The following GAS2 variants were observed in gnomAD, a reference collection of about 807,000 sequenced individuals.
GAS2 encodes the protein growth arrest specific 2.
Under a neutral mutation model 37.5 loss-of-function variants are expected in GAS2, and 20 were observed. The observed-to-expected ratio is 0.53, with a 90% confidence interval of 0.37 to 0.77. The LOEUF (loss-of-function observed/expected upper bound fraction) is 0.77, where lower values mean the gene tolerates loss of function less well. GAS2 is among the 30% of genes least tolerant of loss of function. GAS2 has a pLI of 0.00. For synonymous variants in GAS2, 144 were observed against 132.2 expected (o/e 1.09, Z -0.61); for missense variants, 336 against 373.4 (o/e 0.90, Z 0.82).
chr11:22,637,191 A>G (rs1212644177), intron 1 of GAS2, among the ~76,000 whole-genome samples: 11 of 123,110 alleles, frequency 8.9e-5, no homozygotes, highest in Admixed American at 6.4e-4. Flanking sequence ...TTATGTTAAT[A>G]TTATATTAAT....
At chr11:22,632,832 T>C (rs1398103189) in intron 1 of GAS2, among the ~76,000 whole-genome samples, 1 of 152,008 alleles carries the variant, frequency 6.6e-6, no homozygotes, top group African/African-American at 2.4e-5. Context: ...TTATTCCACA[T>C]GGTCTAGTCT....
At position 22,657,920 on chromosome 11, in the gene GAS2, T is replaced by A. The variant is rs146764437; in HGVS notation, c.-20-16930T>A. On this transcript the variant is annotated intron_variant, in intron 1 of 5. Coordinates refer to the GAS2 transcript ENST00000528582. ...ACAACTGGTAAACAATTAGAACTATTTATAATTTCTACTTTTGTTTAGGAA... is the reference window on the plus strand; with the variant it reads ...ACAACTGGTAAACAATTAGAACTATATATAATTTCTACTTTTGTTTAGGAA... Among the ~76,000 whole-genome samples, 416 of 152,344 alleles carry A rather than the reference T, an allele frequency of 2.7e-3. 2 individuals are homozygous for A. The highest frequency in any genetic ancestry group is 9.2e-3 in the African/African-American group (382 of 41,592).
At chr11:22,698,265 C>G (rs924819289) in intron 3 of GAS2, among the ~76,000 whole-genome samples, 5 of 152,192 alleles carry the variant, frequency 3.3e-5, no homozygotes, top group Admixed American at 2.6e-4. Context: ...ACTAGAAAAT[C>G]TTGAAGAAAT....
chr11:22,680,427 CTT>C (rs1345104431), intron 2 of GAS2, among the ~76,000 whole-genome samples: 1 of 152,090 alleles, frequency 6.6e-6, no homozygotes, highest in Non-Finnish European at 1.5e-5. Context: ...AAACTTGAAA[CTT>C]TTGTCTCAAA....
At chr11:22,797,763 G>A (rs1056753962) in intron 7 of GAS2, among the ~76,000 whole-genome samples, 24 of 152,070 alleles carry the variant, frequency 1.6e-4, no homozygotes, top group Admixed American at 1.2e-3. Flanking sequence ...GGCTAAGCAC[G>A]CTGGCTGCTG....
At chr11:22,657,264 G>T (rs557119544) in intron 1 of GAS2, among the ~76,000 whole-genome samples, 2 of 152,320 alleles carry the variant, frequency 1.3e-5, no homozygotes, top group East Asian at 1.9e-4. Context: ...CCACACAGGG[G>T]TTGGGCCCTG....
intron 1 of GAS2, among the ~76,000 whole-genome samples, chr11:22,629,379 A>C (rs1203575180): frequency 6.6e-6 from 1 of 151,802 alleles, no homozygotes; most frequent in African/African-American, 2.4e-5. Flanking sequence ...AGGGTAAGGT[A>C]GTATCCTTTT....
At chr11:22,670,990 C>G (rs577181606) in intron 1 of GAS2, among the ~76,000 whole-genome samples, 1 of 152,224 alleles carries the variant, frequency 6.6e-6, no homozygotes, top group South Asian at 2.1e-4. Flanking sequence ...TCATCTTGGT[C>G]ATAGTCAAAG....
At chr11:22,793,004 G>A (rs1215164994) in intron 7 of GAS2, among the ~76,000 whole-genome samples, 1 of 152,182 alleles carries the variant, frequency 6.6e-6, no homozygotes, top group Non-Finnish European at 1.5e-5. Flanking sequence ...GCTGAGCATG[G>A]TGGCTCAGCC....
chr11:22,744,850 G>C (rs1472387890), intron 5 of GAS2, among the ~76,000 whole-genome samples: 1 of 151,818 alleles, frequency 6.6e-6, no homozygotes, highest in East Asian at 1.9e-4. Flanking sequence ...ATCCAAATAG[G>C]AAAAGAAGAA....
chr11:22,660,676 C>G (rs1172808191), intron 1 of GAS2, among the ~76,000 whole-genome samples: 2 of 152,340 alleles, frequency 1.3e-5, no homozygotes, highest in Admixed American at 6.5e-5. Flanking sequence ...TACGATATTA[C>G]AAATTTACTA....
At chr11:22,789,745 G>A (rs185765079) in intron 7 of GAS2, among the ~76,000 whole-genome samples, 65 of 151,796 alleles carry the variant, frequency 4.3e-4, no homozygotes, top group Admixed American at 1.2e-3. Flanking sequence ...GATTAGAGGC[G>A]TGAGCCACCG....
intron 3 of GAS2, among the ~76,000 whole-genome samples, chr11:22,699,751 T>C (rs965759977): frequency 1.3e-5 from 2 of 152,174 alleles, no homozygotes; most frequent in Admixed American, 6.6e-5. Flanking sequence ...GGGGACTAAG[T>C]AAGTTAGTAT....
At chr11:22,680,716 T>C (rs7111005) in intron 2 of GAS2, among the ~76,000 whole-genome samples, 5,069 of 152,206 alleles carry the variant, frequency 0.033, 82 homozygotes, top group Middle Eastern at 0.082. Context: ...GCTTTTTTTT[T>C]CCACCAAAGA....
intron 7 of GAS2, among the ~76,000 whole-genome samples, chr11:22,800,921 T>G (rs1856634128): frequency 6.6e-6 from 1 of 151,506 alleles, no homozygotes; most frequent in Admixed American, 6.6e-5. Context: ...TTGGTTATCT[T>G]AAAAAACAAG....
intron 2 of GAS2, among the ~76,000 whole-genome samples, chr11:22,677,044 G>C (rs1339675296): frequency 6.6e-6 from 1 of 152,118 alleles, no homozygotes; most frequent in Non-Finnish European, 1.5e-5. Flanking sequence ...AGAGGATAGT[G>C]ATTAAGAATA....
intron 7 of GAS2, among the ~76,000 whole-genome samples, chr11:22,810,553 A>G (rs897059296): frequency 5.9e-5 from 9 of 152,234 alleles, no homozygotes; most frequent in Non-Finnish European, 8.8e-5. Flanking sequence ...ACCAGTAGAA[A>G]TACATTTAAT....
At chr11:22,652,707 T>G (rs901177013) in intron 1 of GAS2, among the ~76,000 whole-genome samples, 1 of 152,190 alleles carries the variant, frequency 6.6e-6, no homozygotes, top group Admixed American at 6.5e-5. Flanking sequence ...GTCACCCCTT[T>G]CTTTGACTAG....
intron 1 of GAS2, among the ~76,000 whole-genome samples, chr11:22,651,998 C>A (rs1187825389): frequency 2.0e-5 from 3 of 152,092 alleles, no homozygotes; most frequent in Non-Finnish European, 4.4e-5. Flanking sequence ...AGGTGCTCTG[C>A]TTTTTAGAGT....
Sources: allele counts gnomAD v4.1 joint callset (sites outside exome capture counted in the v4.1 genomes callset), GRCh38; gene constraint gnomAD v4.1.1; transcripts MANE v1.5; gene names NCBI Gene and HGNC (gene_info 2026-07-23, HGNC 2026-07-21).